GRIK2: variants seen among roughly 807,000 people sequenced by gnomAD.
The protein encoded by GRIK2 is glutamate receptor ionotropic, kainate 2.
GRIK2 carries 32 observed loss-of-function variants against 100.3 expected under a neutral mutation model. The ratio of observed to expected loss-of-function variants is 0.32; its 90% confidence interval spans 0.24 to 0.43. The LOEUF is 0.43. Among genes scored for constraint, GRIK2 ranks in the 20% least tolerant of loss-of-function variants. The pLI is 1.00. For synonymous variants in GRIK2, 417 were observed against 389.4 expected (o/e 1.07, Z -0.83); for missense variants, 843 against 1,114.9 (o/e 0.76, Z 3.47).
chr6:101,574,236 T>C (rs1777688548), intron 2 of GRIK2, among the ~76,000 whole-genome samples: 1 of 149,586 alleles, frequency 6.7e-6, no homozygotes, highest in South Asian at 2.1e-4. Flanking sequence ...AAATGTGAGC[T>C]TGAATTTTAG....
intron 4 of GRIK2, among the ~76,000 whole-genome samples, chr6:101,632,926 T>C (rs1000325018): frequency 4.6e-5 from 7 of 152,018 alleles, no homozygotes; most frequent in Admixed American, 3.9e-4. Context: ...CGTTATAAAA[T>C]TATCATGAAG....
At chr6:101,698,711 AATAG>A (rs1222239765) in intron 7 of GRIK2, among the ~76,000 whole-genome samples, 4 of 152,296 alleles carry the variant, frequency 2.6e-5, no homozygotes, top group East Asian at 1.9e-4. Flanking sequence ...AATATAAATA[AATAG>A]ATAGATTACA....
chr6:101,719,439 A>G (rs993510034), intron 7 of GRIK2, among the ~76,000 whole-genome samples: 1 of 151,950 alleles, frequency 6.6e-6, no homozygotes, highest in Non-Finnish European at 1.5e-5. Flanking sequence ...ATGTCTCTGT[A>G]TGTCTTACAC....
chr6:101,506,789 T>G (rs1326263437), intron 2 of GRIK2, among the ~76,000 whole-genome samples: 1 of 152,112 alleles, frequency 6.6e-6, no homozygotes, highest in African/African-American at 2.4e-5. Flanking sequence ...GGGTAAAGAT[T>G]TGAGGGAAAG....
intron 2 of GRIK2, among the ~76,000 whole-genome samples, chr6:101,583,097 G>T (rs926969013): frequency 5.3e-5 from 8 of 152,160 alleles, no homozygotes; most frequent in Non-Finnish European, 7.4e-5. Flanking sequence ...CCATGAGGGA[G>T]CAGTGGAAGC....
intron 12 of GRIK2, among the ~76,000 whole-genome samples, chr6:101,910,415 G>A (rs1788593416): frequency 6.6e-6 from 1 of 150,684 alleles, no homozygotes; most frequent in African/African-American, 2.4e-5. Context: ...TGTTTGCTTT[G>A]GCCATAAGTA....
chr6:101,747,113 AG>A (rs1776466544), intron 7 of GRIK2, among the ~76,000 whole-genome samples: 1 of 152,110 alleles, frequency 6.6e-6, no homozygotes, highest in Non-Finnish European at 1.5e-5. Flanking sequence ...ATCCCCACCA[AG>A]TTTGGTATCT....
chr6:102,015,359 C>T (rs1415773482), intron 14 of GRIK2, among the ~76,000 whole-genome samples: 4 of 152,122 alleles, frequency 2.6e-5, no homozygotes, highest in Non-Finnish European at 5.9e-5. Context: ...TTCCTGAAGA[C>T]AGCATACCAT....
chr6:101,849,166 A>C (rs1483025386), intron 10 of GRIK2, among the ~76,000 whole-genome samples: 3 of 151,970 alleles, frequency 2.0e-5, no homozygotes, highest in Non-Finnish European at 2.9e-5. Context: ...TGCTTGGATG[A>C]GAGGACTGCA....
chr6:101,552,412 T>A (rs1257608127), intron 2 of GRIK2, among the ~76,000 whole-genome samples: 1 of 152,132 alleles, frequency 6.6e-6, no homozygotes, highest in Non-Finnish European at 1.5e-5. Flanking sequence ...ATGGGACTCT[T>A]GTGGCATATT....
intron 4 of GRIK2, among the ~76,000 whole-genome samples, chr6:101,672,766 A>G (rs1340174891): frequency 1.3e-5 from 2 of 152,148 alleles, no homozygotes; most frequent in African/African-American, 4.8e-5. Flanking sequence ...GTGTTGTTGC[A>G]AAGGCCATGG....
chr6:101,809,781 A>G (rs1781218270), intron 9 of GRIK2, among the ~76,000 whole-genome samples: 3 of 152,078 alleles, frequency 2.0e-5, no homozygotes, highest in Non-Finnish European at 4.4e-5. Context: ...GATGTTAGCC[A>G]TTTAATTTGT....
At chr6:101,445,668 G>A (rs959291074) in intron 2 of GRIK2, among the ~76,000 whole-genome samples, 5 of 151,930 alleles carry the variant, frequency 3.3e-5, no homozygotes, top group East Asian at 1.9e-4. Flanking sequence ...TTCTGTTAAC[G>A]TGGGCTATGG....
At position 101,735,973 on chromosome 6, in the gene GRIK2, C is replaced by A. The variant is rs1656235364; in HGVS notation, c.951+49620C>A. Reference sequence around the variant, plus strand: ...TGGTGGTACAGGCATTGGGTAAATACAGTCATTCCAAAAGGGAGAAATCGG... The same window carrying A: ...TGGTGGTACAGGCATTGGGTAAATAAAGTCATTCCAAAAGGGAGAAATCGG... On this transcript the variant is annotated intron_variant, in intron 7 of 16. Transcript: ENST00000369134. 2.0e-5 allele frequency among the ~76,000 whole-genome samples: 3 copies of A among 152,204 alleles called. No individual in the cohort carries two copies. In the South Asian group the frequency reaches 6.2e-4, roughly 31 times the overall value.
intron 12 of GRIK2, among the ~76,000 whole-genome samples, chr6:101,913,818 G>T (rs1318717597): frequency 2.0e-5 from 3 of 151,480 alleles, no homozygotes; most frequent in Non-Finnish European, 4.4e-5. Flanking sequence ...AGATATTTTT[G>T]ATCTATTTAG....
intron 11 of GRIK2, among the ~76,000 whole-genome samples, chr6:101,877,519 G>A (rs1387533319): frequency 6.6e-6 from 1 of 151,796 alleles, no homozygotes; most frequent in Non-Finnish European, 1.5e-5. Flanking sequence ...ATGAATTTTG[G>A]TATTCGACAG....
chr6:101,609,984 A>G (rs672970), intron 2 of GRIK2, among the ~76,000 whole-genome samples: 3,927 of 151,852 alleles, frequency 0.026, 173 homozygotes, highest in African/African-American at 0.09. Context: ...ATTTAATACT[A>G]TAGTTTTAAA....
At chr6:101,649,329 A>T (rs1420223596) in intron 4 of GRIK2, among the ~76,000 whole-genome samples, 1 of 152,118 alleles carries the variant, frequency 6.6e-6, no homozygotes, top group African/African-American at 2.4e-5. Context: ...GAGAGCATTG[A>T]AGAAGTAAAG....
chr6:101,848,511 G>GTGGATGAA (rs1447365935), intron 10 of GRIK2, among the ~76,000 whole-genome samples: 1 of 152,050 alleles, frequency 6.6e-6, no homozygotes, highest in Non-Finnish European at 1.5e-5. Context: ...GACTAAATTG[G>GTGGATGAA]TGGATGAATG....
Sources: gnomAD v4.1 joint callset for allele counts (sites outside exome capture counted in the v4.1 genomes callset) on GRCh38, gnomAD v4.1.1 for gene constraint, MANE v1.5 for transcripts, NCBI Gene and HGNC (gene_info 2026-07-23, HGNC 2026-07-21) for gene names.